Variants in STARD13 observed in about 807,000 individuals in gnomAD.
STARD13 encodes the protein StAR related lipid transfer domain containing 13, also known as stAR-related lipid transfer protein 13.
A neutral mutation model predicts 106.4 loss-of-function variants in STARD13; 62 were observed. The ratio of observed to expected loss-of-function variants is 0.58; its 90% CI spans 0.48 to 0.72. The LOEUF (loss-of-function observed/expected upper bound fraction) is 0.72, where lower values mean the gene tolerates loss of function less well. Ranked by LOEUF, STARD13 falls within the 30% of genes least tolerant of loss-of-function variation. The pLI is 0.00. For missense variants in STARD13, 1,387 were observed against 1,424.0 expected (o/e 0.97, Z 0.42); for synonymous variants, 565 against 553.0 (o/e 1.02, Z -0.31).
the STARD13 span, among the ~76,000 whole-genome samples, chr13:33,492,180 G>A: frequency 2.0e-5 from 3 of 152,174 alleles, no homozygotes; most frequent in African/African-American, 7.2e-5. Context: ...TGATTCTTCA[G>A]TTACTTCAGG....
chr13:33,193,425 C>T lies in STARD13; in HGVS notation c.170-25803G>A, dbSNP rs966828632. 6.6e-5 allele frequency among the ~76,000 whole-genome samples: 10 copies of T among 152,146 alleles called. 1 individual carries two copies. Among genetic ancestry groups the T allele is most frequent in the African/African-American group, 1.7e-4 (7 of 41,428 alleles). On this transcript the variant is annotated intron_variant, in intron 1 of 13. Transcript: ENST00000336934. ...AGGTGAGAAACAGTAACAATGAAAACGTCACATAATAGTTTGTTGTTGGAC... is the reference window on the plus strand; with the variant it reads ...AGGTGAGAAACAGTAACAATGAAAATGTCACATAATAGTTTGTTGTTGGAC...
At chr13:33,298,630 T>C (rs1336698291) in intron 1 of STARD13, among the ~76,000 whole-genome samples, 3 of 152,172 alleles carry the variant, frequency 2.0e-5, no homozygotes, top group Admixed American at 6.5e-5. Context: ...TACATGTATA[T>C]ATGCACACAT....
intron 1 of STARD13, among the ~76,000 whole-genome samples, chr13:33,291,445 G>A (rs1892289697): frequency 6.6e-6 from 1 of 152,158 alleles, no homozygotes; most frequent in Non-Finnish European, 1.5e-5. Context: ...TAAGCTTAGA[G>A]CTCTAGACTT....
chr13:33,373,004 A>C, the STARD13 span, among the ~76,000 whole-genome samples: 4 of 152,216 alleles, frequency 2.6e-5, no homozygotes, highest in Non-Finnish European at 5.9e-5. Flanking sequence ...CTTCTCTGAA[A>C]GTTTATTTCT....
At chr13:33,463,903 C>T in the STARD13 span, among the ~76,000 whole-genome samples, 30 of 151,664 alleles carry the variant, frequency 2.0e-4, no homozygotes, top group African/African-American at 7.0e-4. Context: ...TCCCAGCTAT[C>T]AGGAGGCTGA....
upstream of STARD13, among the ~76,000 whole-genome samples, chr13:33,352,083 A>T (rs1373464565): frequency 6.6e-6 from 1 of 152,222 alleles, no homozygotes; most frequent in East Asian, 1.9e-4. Flanking sequence ...TTTTTGTAGA[A>T]TCCTGGTAAA....
At chr13:33,494,197 C>A in the STARD13 span, among the ~76,000 whole-genome samples, 1 of 152,164 alleles carries the variant, frequency 6.6e-6, no homozygotes, top group Non-Finnish European at 1.5e-5. Context: ...ATTCACCAAA[C>A]AACCACTTTA....
chr13:33,172,220 TG>T (rs1251690454), intron 1 of STARD13, among the ~76,000 whole-genome samples: 1 of 152,236 alleles, frequency 6.6e-6, no homozygotes, highest in East Asian at 1.9e-4. Flanking sequence ...TCTTATATAA[TG>T]ATCTTATTTG....
At chr13:33,404,462 TA>T in the STARD13 span, among the ~76,000 whole-genome samples, 1 of 152,186 alleles carries the variant, frequency 6.6e-6, no homozygotes. Flanking sequence ...AGAATGCTTT[TA>T]TAGAGGAGTA....
the STARD13 span, among the ~76,000 whole-genome samples, chr13:33,411,425 C>G: frequency 3.3e-5 from 5 of 152,056 alleles, no homozygotes; most frequent in African/African-American, 1.2e-4. Context: ...CCATAGCCTG[C>G]TCAAATGCAT....
chr13:33,141,285 C>T (rs982850279), intron 4 of STARD13, among the ~76,000 whole-genome samples: 3 of 152,184 alleles, frequency 2.0e-5, no homozygotes, highest in Admixed American at 6.5e-5. Context: ...CCTGCTCCGC[C>T]GCTAGCTGCA....
chr13:33,156,265 T>C (rs1881972069), intron 3 of STARD13, among the ~76,000 whole-genome samples: 3 of 152,234 alleles, frequency 2.0e-5, no homozygotes, highest in Admixed American at 2.0e-4. Flanking sequence ...TTCATCTAGT[T>C]CGTGAGCCCT....
rs139432948 is a variant in STARD13 at position 33,163,061 on chromosome 13, C to A, written c.323+2276G>T. 3.1e-3 allele frequency among the ~76,000 whole-genome samples: 472 copies of A among 152,114 alleles called. 4 individuals are homozygous for A. Among genetic ancestry groups the A allele is most frequent in the African/African-American group, 0.011 (441 of 41,500 alleles). ...AGAATCATGGCGGGAGGCAAAAGGCCCTTCTTACATGGTGGTGGCAAGAGA... is the reference window on the plus strand; with the variant it reads ...AGAATCATGGCGGGAGGCAAAAGGCACTTCTTACATGGTGGTGGCAAGAGA... On this transcript the variant is annotated intron_variant, in intron 3 of 13. Transcript: ENST00000336934.
intron 3 of STARD13, among the ~76,000 whole-genome samples, chr13:33,149,521 T>A (rs1217341506): frequency 6.6e-6 from 1 of 152,240 alleles, no homozygotes; most frequent in Admixed American, 6.5e-5. Context: ...ACTAACAAAG[T>A]CATCATCACT....
chr13:33,408,280 A>T, the STARD13 span, among the ~76,000 whole-genome samples: 1 of 152,024 alleles, frequency 6.6e-6, no homozygotes, highest in Non-Finnish European at 1.5e-5. Flanking sequence ...TAAAAGCGAG[A>T]TTCTATATTC....
At chr13:33,663,943 C>T in the STARD13 span, among the ~76,000 whole-genome samples, 2 of 152,222 alleles carry the variant, frequency 1.3e-5, no homozygotes, top group Non-Finnish European at 2.9e-5. Context: ...ATGACCAGTT[C>T]TGCCCTCATC....
the STARD13 span, among the ~76,000 whole-genome samples, chr13:33,459,514 A>G: frequency 1.3e-5 from 2 of 152,186 alleles, no homozygotes; most frequent in African/African-American, 4.8e-5. Flanking sequence ...GCTGATGGAC[A>G]CTTAGGTTGT....
At chr13:33,418,644 G>A in the STARD13 span, among the ~76,000 whole-genome samples, 1 of 152,248 alleles carries the variant, frequency 6.6e-6, no homozygotes, top group Non-Finnish European at 1.5e-5. Context: ...CCTCAAGTGG[G>A]TCCCTGACCC....
At chr13:33,667,477 T>C in the STARD13 span, among the ~76,000 whole-genome samples, 2 of 152,264 alleles carry the variant, frequency 1.3e-5, no homozygotes, top group Admixed American at 6.5e-5. Flanking sequence ...TTCTAGTTCA[T>C]ATAGATGCAC....
Sources: allele counts gnomAD v4.1 joint callset (sites outside exome capture counted in the v4.1 genomes callset), GRCh38; gene constraint gnomAD v4.1.1; transcripts MANE v1.5; gene names NCBI Gene and HGNC (gene_info 2026-07-23, HGNC 2026-07-21).